The following ANKRD11 variants were observed in gnomAD, a reference collection of about 807,000 sequenced individuals.
ANKRD11 encodes ankyrin repeat domain 11.
ANKRD11 carries 17 observed loss-of-function variants against 195.7 expected under a neutral mutation model. That is an observed-to-expected ratio of 0.09 (90% CI 0.06 to 0.13). The LOEUF is 0.13. Among genes scored for constraint, ANKRD11 ranks in the 10% least tolerant of loss-of-function variants. ANKRD11 has a pLI of 1.00. For synonymous variants in ANKRD11, 1,953 were observed against 1,528.1 expected (o/e 1.28, Z -6.49); for missense variants, 3,735 against 3,566.1 (o/e 1.05, Z -1.21).
chr16:89,282,374 C>T lies in ANKRD11; in HGVS notation c.4168G>A (p.Gly1390Ser), dbSNP rs201207422. ...TCCAGGAAGTCCTTTTCGTACTGGC[C>T]GGAGTCCTTCCTGCTACCGCCCTCC... is the stretch of plus-strand genomic sequence containing the variant. ...YKEGGSRKDS[G>S]QYEKDFLEAD... Residue 1390 changes from glycine to serine, a missense_variant, in exon 9 of 13, where the codon GGC (glycine) becomes AGC (serine). Physicochemically the swap from Gly to Ser is moderately conservative, Grantham distance 56. Coordinates refer to ENST00000301030, the MANE Select transcript of ANKRD11 (RefSeq NM_013275.6). 6.2e-5 allele frequency: 100 copies of T among 1,614,080 alleles called. No homozygotes were observed. The highest frequency in any genetic ancestry group is 7.9e-5 in the Non-Finnish European group (93 of 1,180,044).
intron 1 of ANKRD11, among the ~76,000 whole-genome samples, chr16:89,447,756 C>T (rs2043863574): frequency 6.6e-6 from 1 of 150,420 alleles, no homozygotes; most frequent in African/African-American, 2.4e-5. Context: ...GTATTTATTA[C>T]ATGTACCAGC....
chr16:89,412,660 T>G (rs1174513767), intron 2 of ANKRD11: 1 of 152,110 alleles, frequency 6.6e-6, no homozygotes, highest in Non-Finnish European at 1.5e-5. Flanking sequence ...AGTACTCTTT[T>G]GCTAGATCCA....
At chr16:89,297,611 C>T (rs1202312557) in intron 4 of ANKRD11, 1 of 152,256 alleles carries the variant, frequency 6.6e-6, no homozygotes, top group African/African-American at 2.4e-5. Flanking sequence ...GAGCTCAACG[C>T]TCGCACAACT....
In ANKRD11 at chr16:89,329,968, C is replaced by T. The variant is rs529554440; in HGVS notation, c.-59-12890G>A. ...TCACACCACTGCACTCCAGCCTGGG[C>T]GACAGACAAGAGTGAGACCTTGTCT... On this transcript the variant is annotated intron_variant, in intron 2 of 12. Coordinates refer to ENST00000301030, the MANE Select transcript of ANKRD11 (RefSeq NM_013275.6). 5.4e-5 allele frequency among the ~76,000 whole-genome samples: 8 copies of T among 147,060 alleles called. No homozygotes were observed. The South Asian group carries it at 8.5e-4, about 16-fold the overall frequency.
chr16:89,379,843 C>T (rs2040571028), intron 2 of ANKRD11, among the ~76,000 whole-genome samples: 1 of 152,044 alleles, frequency 6.6e-6, no homozygotes, highest in African/African-American at 2.4e-5. Flanking sequence ...TAATAATTTC[C>T]CAAAAAATAT....
chr16:89,374,304 G>T (rs1344193582), intron 2 of ANKRD11, among the ~76,000 whole-genome samples: 1 of 151,800 alleles, frequency 6.6e-6, no homozygotes, highest in Admixed American at 6.6e-5. Context: ...AGAGAGCCGA[G>T]GTCAGCGAGT....
intron 1 of ANKRD11, among the ~76,000 whole-genome samples, chr16:89,465,615 T>C (rs1046193091): frequency 1.1e-4 from 16 of 152,186 alleles, no homozygotes; most frequent in African/African-American, 2.9e-4. Context: ...CTTCTGTGTG[T>C]CCACCAGCAC....
At chr16:89,457,832 G>C (rs184693016) in intron 1 of ANKRD11, among the ~76,000 whole-genome samples, 1 of 152,186 alleles carries the variant, frequency 6.6e-6, no homozygotes, top group Admixed American at 6.5e-5. Context: ...AAAGTATACA[G>C]GTATAAACAT....
chr16:89,285,916 C>T lies in ANKRD11; in HGVS notation c.892+123G>A, dbSNP rs1212569021. 50 of 1,501,594 alleles carry T rather than the reference C, an allele frequency of 3.3e-5. No homozygotes were observed. Among genetic ancestry groups the T allele is most frequent in the Non-Finnish European group, 4.4e-5 (48 of 1,091,738 alleles). The allele number at this position is 1,501,594 out of a possible 1,614,324, so 93.0% of individuals were successfully genotyped here. On this transcript the variant is annotated intron_variant, in intron 8 of 12. Coordinates refer to ENST00000301030, the MANE Select transcript of ANKRD11 (RefSeq NM_013275.6). The surrounding 1 kb of genome is among the most constrained non-coding windows in gnomAD (Gnocchi z 5.6). ...GGCGGGGTCTCCCGCAGTCCAGAAG[C>T]TCCTGTAAGCCCCCAGCATCCGAGG...
chr16:89,330,476 G>C (rs1432644803), intron 2 of ANKRD11, among the ~76,000 whole-genome samples: 1 of 152,090 alleles, frequency 6.6e-6, no homozygotes, highest in Non-Finnish European at 1.5e-5. Context: ...GGCTGCGGAT[G>C]TGTGGACATG....
intron 1 of ANKRD11, among the ~76,000 whole-genome samples, chr16:89,420,924 C>G (rs1012672734): frequency 3.3e-5 from 5 of 152,218 alleles, no homozygotes; most frequent in African/African-American, 1.2e-4. Flanking sequence ...CGACTATAAA[C>G]AAGCTATGTT....
chr16:89,394,861 A>G (rs919530233), intron 2 of ANKRD11, among the ~76,000 whole-genome samples: 2 of 152,124 alleles, frequency 1.3e-5, no homozygotes, highest in Non-Finnish European at 2.9e-5. Flanking sequence ...CTCATTTCCA[A>G]TTAAGGCAGG....
rs866488992 is a variant in ANKRD11, at chr16:89,306,409, C to T, written c.88-1065G>A. On this transcript the variant is annotated intron_variant, in intron 3 of 12. Transcript: ENST00000301030. ...CTCCCACTCCGCAGACACGCGCCAC[C>T]TACCTCCCACTCTGCAGACACGCGC... Among the ~76,000 whole-genome samples the T allele has an allele frequency of 3.2e-3, 146 of 45,422 alleles. No individual in the cohort carries two copies. In the East Asian group the frequency reaches 0.033, roughly 10 times the overall value. 29.8% of individuals were successfully genotyped at this position (45,422 alleles called of 152,430 possible).
At chr16:89,332,383 GCCC>G (rs990465971) in intron 2 of ANKRD11, among the ~76,000 whole-genome samples, 1 of 152,126 alleles carries the variant, frequency 6.6e-6, no homozygotes, top group African/African-American at 2.4e-5. Flanking sequence ...GAAACACTGA[GCCC>G]CCCAAGTCCC....
intron 2 of ANKRD11, among the ~76,000 whole-genome samples, chr16:89,375,182 T>C (rs2040366978): frequency 6.6e-6 from 1 of 152,150 alleles, no homozygotes. Context: ...CAGCCTGTGC[T>C]ACCGCGGTGA....
intron 1 of ANKRD11, among the ~76,000 whole-genome samples, chr16:89,436,800 T>C (rs539243565): frequency 6.6e-6 from 1 of 152,326 alleles, no homozygotes; most frequent in Admixed American, 6.5e-5. Flanking sequence ...TGTGAGGGAA[T>C]TAATAACTAG....
Position 89,406,521 on chromosome 16 carries a change from A to G in ANKRD11, c.-60+11763T>C, listed in dbSNP as rs139522544. ...ATGTTCGTTGGCCATGCCCGGTGTC[A>G]GCACGCAGACACACAGGCACCAGAG... On this transcript the variant is annotated intron_variant, in intron 2 of 12. Coordinates refer to ENST00000301030, the MANE Select transcript of ANKRD11 (RefSeq NM_013275.6). 4.2e-3 allele frequency among the ~76,000 whole-genome samples: 633 copies of G among 152,328 alleles called. 5 individuals are homozygous for G. The highest frequency in any genetic ancestry group is 6.8e-3 in the Middle Eastern group (2 of 294).
chr16:89,271,790 C>T (rs1362371083), intron 11 of ANKRD11: 3 of 152,034 alleles, frequency 2.0e-5, no homozygotes, highest in Non-Finnish European at 4.4e-5. Flanking sequence ...ACGATGAAAC[C>T]ACTACAAGAA....
chr16:89,367,511 C>T (rs1003842619), intron 2 of ANKRD11, among the ~76,000 whole-genome samples: 3 of 152,196 alleles, frequency 2.0e-5, no homozygotes, highest in African/African-American at 4.8e-5. Context: ...TGGTCACCCA[C>T]GCTCCCTCTT....
Sources: allele counts gnomAD v4.1 joint callset (sites outside exome capture counted in the v4.1 genomes callset), GRCh38; gene constraint gnomAD v4.1.1; non-coding constraint Gnocchi (gnomAD v3.1); transcripts MANE v1.5; gene names NCBI Gene and HGNC (gene_info 2026-07-23, HGNC 2026-07-21).